The following SNX7 variants were observed in gnomAD, a reference collection of about 807,000 sequenced individuals.
SNX7 encodes sorting nexin-7.
In SNX7, 35 loss-of-function variants were observed where a neutral mutation model predicts 48.4. The observed-to-expected ratio is 0.72, with a 90% CI of 0.55 to 0.96. The LOEUF (loss-of-function observed/expected upper bound fraction) is 0.96. Ranked by LOEUF, SNX7 falls within the 40% of genes least tolerant of loss-of-function variation. The pLI is 0.00. For synonymous variants in SNX7, 190 were observed against 190.2 expected, an observed-to-expected ratio of 1.00 and a Z score of 0.01; for missense variants, 553 against 548.9, an observed-to-expected ratio of 1.01 and a Z score of -0.07.
chr1:98,707,038 A>G (rs1253712738), intron 7 of SNX7, among the ~76,000 whole-genome samples: 1 of 152,198 alleles, frequency 6.6e-6, no homozygotes, highest in East Asian at 1.9e-4. Flanking sequence ...AATAGATGGT[A>G]TTTAAAGCTA....
chr1:98,747,194 A>T (rs1353279111), intron 8 of SNX7, among the ~76,000 whole-genome samples: 1 of 152,154 alleles, frequency 6.6e-6, no homozygotes, highest in African/African-American at 2.4e-5. Context: ...ATCTGAAGAC[A>T]TAATAATTTT....
intron 7 of SNX7, among the ~76,000 whole-genome samples, chr1:98,713,878 G>T (rs150086693): frequency 6.6e-6 from 1 of 152,094 alleles, no homozygotes; most frequent in African/African-American, 2.4e-5. Context: ...ATCACAGATC[G>T]CCATCACAGA....
intron 8 of SNX7, among the ~76,000 whole-genome samples, chr1:98,758,595 G>A (rs1006943822): frequency 1.3e-5 from 2 of 151,970 alleles, no homozygotes; most frequent in African/African-American, 4.8e-5. Flanking sequence ...AAAGCAAAAA[G>A]TATCCCTTAA....
intron 1 of SNX7, among the ~76,000 whole-genome samples, chr1:98,682,000 C>T (rs1307537846): frequency 6.6e-6 from 1 of 152,116 alleles, no homozygotes; most frequent in Non-Finnish European, 1.5e-5. Flanking sequence ...AACTTTCTTA[C>T]ACCAATTATA....
At position 98,661,755 on chromosome 1, in the gene SNX7, G is replaced by A. The variant is rs1344983170; in HGVS notation, c.24G>A (p.Ser8=). MEGERRA[S]QAPSSGLPAG... ...GGATGGAGGGCGAGCGCCGGGCATC[G>A]CAGGCGCCCTCCTCGGGCCTCCCGG... Residue 8 remains serine, a synonymous_variant, in exon 1 of 9, where the codon TCG becomes TCA. Transcript: ENST00000306121. 5 of 1,236,904 alleles carry A rather than the reference G, an allele frequency of 4.0e-6. No individual in the cohort carries two copies. Among genetic ancestry groups the A allele is most frequent in the Non-Finnish European group, 5.1e-6 (5 of 984,750 alleles). 76.6% of individuals were successfully genotyped at this position (1,236,904 alleles called of 1,614,324 possible).
Position 98,738,526 on chromosome 1 carries a change from G to A in SNX7, c.1278+137G>A, listed in dbSNP as rs973984936. ...TCTCTGGTAGCTTGGTTTTGATGAA[G>A]TTGTCAGTTACCATTTGGTTTTGTT... On this transcript the variant is annotated intron_variant, in intron 8 of 8. Coordinates refer to ENST00000306121, the MANE Select transcript of SNX7 (RefSeq NM_015976.5). The A allele has an allele frequency of 8.9e-6, 7 of 788,880 alleles. No homozygotes were observed. In the Admixed American group the frequency reaches 1.2e-4, roughly 13 times the overall value. 48.9% of individuals were successfully genotyped at this position (788,880 alleles called of 1,614,324 possible).
intron 7 of SNX7, among the ~76,000 whole-genome samples, chr1:98,708,849 C>G (rs940215660): frequency 6.6e-6 from 1 of 152,124 alleles, no homozygotes; most frequent in Non-Finnish European, 1.5e-5. Flanking sequence ...CCGTATCTAC[C>G]TTATGAATAG....
chr1:98,675,528 A>G (rs994660465), intron 1 of SNX7, among the ~76,000 whole-genome samples: 2 of 152,184 alleles, frequency 1.3e-5, no homozygotes, highest in African/African-American at 4.8e-5. Context: ...CCACTCCACA[A>G]AAGGATGCAT....
chr1:98,732,661 G>C (rs980959299), intron 7 of SNX7, among the ~76,000 whole-genome samples: 3 of 152,022 alleles, frequency 2.0e-5, no homozygotes, highest in African/African-American at 4.8e-5. Flanking sequence ...CTTTCACATC[G>C]GTAAGTCAAG....
At position 98,677,878 on chromosome 1, in the gene SNX7, A is replaced by C. The variant is rs1442137211; in HGVS notation, c.181-7007A>C. Among the ~76,000 whole-genome samples the C allele has an allele frequency of 8.3e-4, 3 of 3,614 alleles. No individual in the cohort carries two copies. In the East Asian group the frequency reaches 0.039, roughly 48 times the overall value. 2.4% of individuals were successfully genotyped at this position (3,614 alleles called of 152,430 possible). On this transcript the variant is annotated intron_variant, in intron 1 of 8. Transcript: ENST00000306121. ...GGGTGACAGAGCGAGACGCTGTCTC[A>C]AAAAAAAAAAAAAAAAGAAATAGAG...
At chr1:98,747,193 CATA>C (rs897814437) in intron 8 of SNX7, among the ~76,000 whole-genome samples, 1 of 152,052 alleles carries the variant, frequency 6.6e-6, no homozygotes, top group Non-Finnish European at 1.5e-5. Context: ...AATCTGAAGA[CATA>C]ATAATTTTCT....
chr1:98,684,026 A>G (rs1191986503), intron 1 of SNX7, among the ~76,000 whole-genome samples: 1 of 152,070 alleles, frequency 6.6e-6, no homozygotes, highest in Non-Finnish European at 1.5e-5. Context: ...CTTCTTAATA[A>G]CCAATCATCT....
intron 1 of SNX7, among the ~76,000 whole-genome samples, chr1:98,679,229 T>C (rs1650342053): frequency 6.6e-6 from 1 of 152,184 alleles, no homozygotes; most frequent in African/African-American, 2.4e-5. Flanking sequence ...GAAACTCCCA[T>C]TTTTAAAACC....
intron 8 of SNX7, among the ~76,000 whole-genome samples, chr1:98,755,315 A>G (rs1449278165): frequency 6.6e-6 from 1 of 152,110 alleles, no homozygotes; most frequent in East Asian, 1.9e-4. Context: ...AACTTGATTG[A>G]TAGTGTGGTT....
chr1:98,695,062 A>T lies in SNX7; in HGVS notation c.640-456A>T, dbSNP rs531734319. The stretch of plus-strand genomic sequence containing the variant: ...CCAGAATGTATTAAGCTCTAAATAA[A>T]TGTTAGCTACTATTACATCTAAAGA... On this transcript the variant is annotated intron_variant, in intron 4 of 8. Coordinates refer to ENST00000306121, the MANE Select transcript of SNX7 (RefSeq NM_015976.5). Among the ~76,000 whole-genome samples, 21 of 152,322 alleles carry T rather than the reference A, an allele frequency of 1.4e-4. No homozygotes were observed. The South Asian group carries it at 3.1e-3, about 23-fold the overall frequency.
intron 1 of SNX7, chr1:98,677,445 G>C (rs1394816927): frequency 6.6e-6 from 1 of 152,248 alleles, no homozygotes; most frequent in African/African-American, 2.4e-5. Flanking sequence ...GTGTGGTTGG[G>C]AGATTGGTTA....
At chr1:98,693,429 A>G (rs1234491861) in intron 4 of SNX7, among the ~76,000 whole-genome samples, 1 of 152,194 alleles carries the variant, frequency 6.6e-6, no homozygotes, top group East Asian at 1.9e-4. Flanking sequence ...GGTAGAAGCT[A>G]AAAAGTGGTT....
At chr1:98,704,673 G>A in intron 7 of SNX7, among the ~76,000 whole-genome samples, 1 of 152,148 alleles carries the variant, frequency 6.6e-6, no homozygotes, top group Non-Finnish European at 1.5e-5. Flanking sequence ...GACCCTGGCA[G>A]AGAACTGAAT....
intron 8 of SNX7, among the ~76,000 whole-genome samples, chr1:98,755,710 C>T (rs768573525): frequency 9.9e-5 from 15 of 151,892 alleles, no homozygotes; most frequent in Admixed American, 3.3e-4. Flanking sequence ...GTGATCCTCC[C>T]ACCTCGACCA....
Sources: gnomAD v4.1 joint callset for allele counts (sites outside exome capture counted in the v4.1 genomes callset) on GRCh38, gnomAD v4.1.1 for gene constraint, MANE v1.5 for transcripts, NCBI Gene and HGNC (gene_info 2026-07-23, HGNC 2026-07-21) for gene names.